The following NSMCE2 variants were observed in gnomAD, a reference collection of about 807,000 sequenced individuals.
NSMCE2 encodes the protein E3 SUMO-protein ligase NSE2.
In NSMCE2, 24 loss-of-function variants were observed where a neutral mutation model predicts 23.8. The observed-to-expected ratio is 1.01, with a 90% CI of 0.73 to 1.42. The LOEUF is 1.42. NSMCE2 is among the 40% of genes most tolerant of loss of function. The pLI is 0.00. For missense variants in NSMCE2, 284 were observed against 296.5 expected (o/e 0.96, Z 0.31); for synonymous variants, 92 against 94.1 (o/e 0.98, Z 0.13).
intron 5 of NSMCE2, among the ~76,000 whole-genome samples, chr8:125,238,619 G>A (rs1825650050): frequency 6.6e-6 from 1 of 151,928 alleles, no homozygotes; most frequent in African/African-American, 2.4e-5. Flanking sequence ...CCAGCTTCCA[G>A]CCAGAATAAT....
intron 5 of NSMCE2, among the ~76,000 whole-genome samples, chr8:125,260,919 T>C (rs1398935229): frequency 6.6e-6 from 1 of 152,128 alleles, no homozygotes; most frequent in Non-Finnish European, 1.5e-5. Flanking sequence ...CCATCATGCC[T>C]GGCCAAATTT....
Position 125,194,907 on chromosome 8 carries a change from A to G in NSMCE2, c.418+12651A>G, listed in dbSNP as rs145136317. Among the ~76,000 whole-genome samples, 331 of 152,112 alleles carry G rather than the reference A, an allele frequency of 2.2e-3. 1 individual carries two copies. Among genetic ancestry groups the G allele is most frequent in the African/African-American group, 6.7e-3 (277 of 41,490 alleles). ...TATTTAAATTTTTCATATAATGTTC[A>G]TGTTTGTCTATTAGCATATCTTCTA... is the stretch of plus-strand genomic sequence containing the variant. On this transcript the variant is annotated intron_variant, in intron 5 of 7. Transcript: ENST00000287437.
intron 5 of NSMCE2, among the ~76,000 whole-genome samples, chr8:125,351,815 AGCCTGGCC>A (rs1813047402): frequency 6.6e-6 from 1 of 151,970 alleles, no homozygotes; most frequent in Non-Finnish European, 1.5e-5. Flanking sequence ...GTTCGATACC[AGCCTGGCC>A]AACATGGTGA....
At chr8:125,357,866 C>T in intron 7 of NSMCE2, 48 bp downstream of exon 7, 1 of 1,333,156 alleles carries the variant, frequency 7.5e-7, no homozygotes, top group East Asian at 2.3e-5. Flanking sequence ...GTGGTAGTTA[C>T]TCAGAGGTGG....
At chr8:125,288,516 G>A (rs541165124) in intron 5 of NSMCE2, among the ~76,000 whole-genome samples, 2 of 152,068 alleles carry the variant, frequency 1.3e-5, no homozygotes, top group South Asian at 4.2e-4. Flanking sequence ...CTTTTACCAG[G>A]GATATTTCTC....
At chr8:125,250,459 T>C (rs932255893) in intron 5 of NSMCE2, among the ~76,000 whole-genome samples, 1 of 152,208 alleles carries the variant, frequency 6.6e-6, no homozygotes, top group Non-Finnish European at 1.5e-5. Context: ...GTGGAAATGT[T>C]CATAGCATTA....
rs374656766 is a variant in NSMCE2, at chr8:125,364,895, G to C, written c.627-1873G>C. Among the ~76,000 whole-genome samples the C allele has an allele frequency of 5.9e-5, 9 of 152,322 alleles. 1 individual carries two copies. The East Asian group carries it at 7.7e-4, about 13-fold the overall frequency. Reference sequence around the variant, plus strand: ...TCTCATAACTAGCAAGTAGGTGGTAGAGAGAAAATTCAGACCTAGGTTAGC... The same window carrying C: ...TCTCATAACTAGCAAGTAGGTGGTACAGAGAAAATTCAGACCTAGGTTAGC... On this transcript the variant is annotated intron_variant, in intron 7 of 7. Coordinates refer to ENST00000287437, the MANE Select transcript of NSMCE2 (RefSeq NM_173685.4).
chr8:125,117,557 A>C (rs897117970), intron 3 of NSMCE2, among the ~76,000 whole-genome samples: 10 of 151,646 alleles, frequency 6.6e-5, no homozygotes, highest in Non-Finnish European at 1.0e-4. Context: ...TATTTTTTTA[A>C]GAGATGGGGT....
At chr8:125,136,069 A>G (rs1820053588) in intron 3 of NSMCE2, among the ~76,000 whole-genome samples, 1 of 152,182 alleles carries the variant, frequency 6.6e-6, no homozygotes, top group Non-Finnish European at 1.5e-5. Flanking sequence ...TCCTTGCATG[A>G]TGATGTCCAG....
At chr8:125,220,704 T>C (rs1015105842) in intron 5 of NSMCE2, among the ~76,000 whole-genome samples, 4 of 152,098 alleles carry the variant, frequency 2.6e-5, no homozygotes, top group African/African-American at 9.7e-5. Flanking sequence ...GTTTTCAAAG[T>C]TAGCTATCTC....
intron 5 of NSMCE2, among the ~76,000 whole-genome samples, chr8:125,199,088 T>C (rs528347061): frequency 6.6e-6 from 1 of 152,210 alleles, no homozygotes; most frequent in Non-Finnish European, 1.5e-5. Context: ...TTTTCTTCTT[T>C]ATTAGTCTTG....
intron 5 of NSMCE2, among the ~76,000 whole-genome samples, chr8:125,228,088 A>G (rs1350771497): frequency 8.5e-5 from 13 of 152,158 alleles, no homozygotes; most frequent in Admixed American, 8.5e-4. Flanking sequence ...AGTATCTTAT[A>G]CTATGTATTG....
At chr8:125,104,211 A>C (rs1818342710) in intron 3 of NSMCE2, among the ~76,000 whole-genome samples, 1 of 152,046 alleles carries the variant, frequency 6.6e-6, no homozygotes, top group African/African-American at 2.4e-5. Flanking sequence ...GCTGGTCTCA[A>C]ACTCCCAACC....
In NSMCE2 at chr8:125,133,601, C is replaced by A. The variant is rs1172734318; in HGVS notation, c.158-17570C>A. On this transcript the variant is annotated intron_variant, in intron 3 of 7. Coordinates refer to ENST00000287437, the MANE Select transcript of NSMCE2 (RefSeq NM_173685.4). ...CTAAAAATACACAAAATTAGTGAGG[C>A]ATGGTGGCTCGCACCTGTAATCCCC... Among the ~76,000 whole-genome samples the A allele has an allele frequency of 4.6e-5, 7 of 151,764 alleles. No homozygotes were observed. The South Asian group carries it at 8.3e-4, about 18-fold the overall frequency.
intron 4 of NSMCE2, among the ~76,000 whole-genome samples, chr8:125,157,295 C>T (rs979191089): frequency 6.6e-6 from 1 of 152,180 alleles, no homozygotes; most frequent in Non-Finnish European, 1.5e-5. Context: ...AGGAGACTCA[C>T]CTCTTCTCTA....
intron 3 of NSMCE2, among the ~76,000 whole-genome samples, chr8:125,121,527 G>A (rs1819260889): frequency 6.6e-6 from 1 of 151,242 alleles, no homozygotes; most frequent in African/African-American, 2.5e-5. Context: ...CAAAGATCAG[G>A]AGAACTACAT....
At chr8:125,202,840 A>G (rs1053841993) in intron 5 of NSMCE2, among the ~76,000 whole-genome samples, 4 of 152,216 alleles carry the variant, frequency 2.6e-5, no homozygotes, top group African/African-American at 9.6e-5. Context: ...ATGAAGGATA[A>G]AATATTGCTG....
intron 5 of NSMCE2, among the ~76,000 whole-genome samples, chr8:125,342,234 G>C (rs2131328964): frequency 6.6e-6 from 1 of 152,358 alleles, no homozygotes; most frequent in Non-Finnish European, 1.5e-5. Context: ...CTTTCAGTGA[G>C]AAAGAACATC....
chr8:125,175,571 A>C (rs1024889305), intron 4 of NSMCE2, among the ~76,000 whole-genome samples: 2 of 152,208 alleles, frequency 1.3e-5, no homozygotes, highest in African/African-American at 4.8e-5. Context: ...AAGTCAATCT[A>C]TCTGGGTCTT....
Sources: gnomAD v4.1 joint callset for allele counts (sites outside exome capture counted in the v4.1 genomes callset) on GRCh38, gnomAD v4.1.1 for gene constraint, MANE v1.5 for transcripts, NCBI Gene and HGNC (gene_info 2026-07-23, HGNC 2026-07-21) for gene names.